Variants in DENND4C observed in about 807,000 individuals in gnomAD.
DENND4C encodes DENN domain-containing protein 4C.
Under a neutral mutation model 203.0 loss-of-function variants are expected in DENND4C, and 108 were observed. The ratio of observed to expected loss-of-function variants is 0.53; its 90% CI spans 0.46 to 0.62. DENND4C has a LOEUF of 0.62. Among genes scored for constraint, DENND4C ranks in the 20% least tolerant of loss-of-function variants. The pLI is 0.00. For missense variants in DENND4C, 2,481 were observed against 2,301.2 expected (o/e 1.08, Z -1.60); for synonymous variants, 871 against 792.4 (o/e 1.10, Z -1.67).
chr9:19,250,661 G>C (rs779291101), intron 1 of DENND4C, among the ~76,000 whole-genome samples: 6 of 152,182 alleles, frequency 3.9e-5, no homozygotes, highest in Admixed American at 6.5e-5. Context: ...ATTCAATGGG[G>C]GCACAGGCAT....
At chr9:19,323,911 C>T (rs1843299847) in intron 12 of DENND4C, among the ~76,000 whole-genome samples, 1 of 152,052 alleles carries the variant, frequency 6.6e-6, no homozygotes, top group African/African-American at 2.4e-5. Context: ...TCTAAAAATC[C>T]AAAACCTGAG....
chr9:19,280,425 A>C (rs906025813), intron 2 of DENND4C, among the ~76,000 whole-genome samples: 1 of 152,196 alleles, frequency 6.6e-6, no homozygotes, highest in Non-Finnish European at 1.5e-5. Context: ...GGTTACAGGC[A>C]TGAGCCCCTG....
chr9:19,251,461 C>T (rs555257002), intron 1 of DENND4C, among the ~76,000 whole-genome samples: 1 of 152,314 alleles, frequency 6.6e-6, no homozygotes, highest in South Asian at 2.1e-4. Flanking sequence ...GACATTTTCC[C>T]CCTCTGTCTT....
chr9:19,356,186 A>G (rs1005832624), intron 26 of DENND4C, among the ~76,000 whole-genome samples: 7 of 152,056 alleles, frequency 4.6e-5, no homozygotes, highest in African/African-American at 1.2e-4. Context: ...CCACCAATCT[A>G]TCTTAAATTT....
rs370091829 is a variant in DENND4C, at chr9:19,327,988, G to C, written c.2121-42G>C. 1.6e-3 allele frequency: 2,421 copies of C among 1,539,888 alleles called. 2 individuals carry two copies. The highest frequency in any genetic ancestry group is 1.8e-3 in the Non-Finnish European group (2,094 of 1,141,228). On this transcript the variant is annotated intron_variant, in intron 15 of 32. Coordinates refer to ENST00000434457, the MANE Select transcript of DENND4C (RefSeq NM_001330640.2). ...AACGCTGGAATAATATGAAGAGTTG[G>C]TGTGTTTTAAATCAGCAGTTCTATT...
chr9:19,306,745 GTATTTATTTATT>G lies in DENND4C; in HGVS notation c.1487+1256_1487+1267del, dbSNP rs59616787. 3.1e-3 allele frequency among the ~76,000 whole-genome samples: 435 copies of G among 142,318 alleles called. 2 individuals carry two copies. Among genetic ancestry groups the G allele is most frequent in the Middle Eastern group, 0.011 (3 of 284 alleles). The allele number at this position is 142,318 out of a possible 152,430, so 93.4% of individuals were successfully genotyped here. A position where few individuals can be genotyped will look rare whatever the true frequency, so the allele number is the denominator to read the frequency against. On this transcript the variant is annotated intron_variant, in intron 10 of 32. Coordinates refer to ENST00000434457, the MANE Select transcript of DENND4C (RefSeq NM_001330640.2). ...ATAAATGTGAAGTGTTTGCACAATT[GTATTTATTTATT>G]TATTTATTTATTTATTTATTTATTT...
At chr9:19,337,651 C>T (rs1225031162) in intron 20 of DENND4C, 2 of 1,288,130 alleles carry the variant, frequency 1.6e-6, no homozygotes, top group Non-Finnish European at 2.0e-6. Context: ...TTAATTCTAC[C>T]CTTGAATGTT....
At chr9:19,315,303 CTGTT>C (rs1370624537) in intron 10 of DENND4C, among the ~76,000 whole-genome samples, 1 of 152,000 alleles carries the variant, frequency 6.6e-6, no homozygotes, top group African/African-American at 2.4e-5. Flanking sequence ...CCAAGGCTGT[CTGTT>C]AATCTTCAGG....
chr9:19,285,548 A>C (rs1000065884), intron 2 of DENND4C, among the ~76,000 whole-genome samples: 3 of 147,552 alleles, frequency 2.0e-5, no homozygotes, highest in Middle Eastern at 3.3e-3. Context: ...TTTCTTAAAA[A>C]CTGAATCACT....
At chr9:19,268,722 A>G (rs1400369233) in intron 1 of DENND4C, among the ~76,000 whole-genome samples, 1 of 150,776 alleles carries the variant, frequency 6.6e-6, no homozygotes, top group Non-Finnish European at 1.5e-5. Flanking sequence ...ACAGGATAAA[A>G]GTTTTGTTTT....
chr9:19,372,401 G>T lies in DENND4C; in HGVS notation c.*228G>T. On this transcript the variant is annotated 3_prime_UTR_variant, in exon 33 of 33. Transcript: ENST00000434457. ...ATTGAAGATTTTCAACCCCTGAACT[G>T]CTTTTCTGCCTCTGTGGAAAACTAC... 1 of 416,240 alleles carries T rather than the reference G, an allele frequency of 2.4e-6. No individual in the cohort carries two copies. The highest frequency in any genetic ancestry group is 4.1e-6 in the Non-Finnish European group (1 of 245,406). 25.8% of individuals were successfully genotyped at this position (416,240 alleles called of 1,614,324 possible). A position where few individuals can be genotyped will look rare whatever the true frequency, so the allele number is the denominator to read the frequency against.
At position 19,324,408 on chromosome 9, in the gene DENND4C, T is replaced by G; in HGVS notation, c.1854T>G (p.Leu618=). The change falls in exon 13 of 33, where the codon CTT becomes CTG. Residue 618 remains leucine, a synonymous_variant. Coordinates refer to ENST00000434457, the MANE Select transcript of DENND4C (RefSeq NM_001330640.2). ...GTGCCTATGCAAAATTCTATACCCT[T>G]TTATCCAAAACACAGATTTTTATTC... is the stretch of plus-strand genomic sequence containing the variant. The part of the protein sequence containing the change: ...RDRAYAKFYT[L]LSKTQIFIRF... 1 of 1,612,752 alleles carries G rather than the reference T, an allele frequency of 6.2e-7. No individual in the cohort carries two copies. Among genetic ancestry groups the G allele is most frequent in the Non-Finnish European group, 8.5e-7 (1 of 1,179,570 alleles).
Position 19,368,257 on chromosome 9 carries a change from A to AT in DENND4C, c.5525-1561dup, listed in dbSNP as rs145197314. The stretch of plus-strand genomic sequence containing the variant: ...TGTTATCATAACAGAGGACTTTGCT[A>AT]TTTTTTTTTTTTTTTTTTTCGGTTT... On this transcript the variant is annotated intron_variant, in intron 30 of 32. Transcript: ENST00000434457. Among the ~76,000 whole-genome samples, 372 of 110,744 alleles carry AT rather than the reference A, an allele frequency of 3.4e-3. 2 individuals carry two copies. Among genetic ancestry groups the AT allele is most frequent in the Middle Eastern group, 4.5e-3 (1 of 224 alleles). 72.7% of individuals were successfully genotyped at this position (110,744 alleles called of 152,430 possible).
At position 19,296,132 on chromosome 9, in the gene DENND4C, C is replaced by T. The variant is rs747621061; in HGVS notation, c.926C>T (p.Thr309Ile). The change falls in exon 6 of 33, where the codon ACA becomes ATA. Residue 309 changes from threonine to isoleucine, a missense_variant. Thr to Ile is a moderately conservative substitution (Grantham distance 89, BLOSUM62 -1). Transcript: ENST00000434457. Reference sequence around the variant, plus strand: ...AAAATGGTCTCCAAATCCATCAATACAAACAAATGCATTTGTTTACTCTCA... The same window carrying T: ...AAAATGGTCTCCAAATCCATCAATATAAACAAATGCATTTGTTTACTCTCA... ...ERKMVSKSIN[T>I]NKCICLLSHW... 43 of 1,613,756 alleles carry T rather than the reference C, an allele frequency of 2.7e-5. No individual in the cohort carries two copies. Among genetic ancestry groups the T allele is most frequent in the Non-Finnish European group, 3.5e-5 (41 of 1,179,754 alleles).
At chr9:19,309,937 T>G (rs1238028735) in intron 10 of DENND4C, among the ~76,000 whole-genome samples, 1 of 152,184 alleles carries the variant, frequency 6.6e-6, no homozygotes. Flanking sequence ...GAATGTGATA[T>G]TTCACTTCAT....
At chr9:19,319,434 A>C (rs941929790) in intron 12 of DENND4C, among the ~76,000 whole-genome samples, 1 of 145,990 alleles carries the variant, frequency 6.8e-6, no homozygotes, top group Non-Finnish European at 1.5e-5. Context: ...ATATATATAC[A>C]CACATATATA....
At chr9:19,356,854 G>A in intron 26 of DENND4C, 118 bp from the exon 27 acceptor site, 1 of 968,988 alleles carries the variant, frequency 1.0e-6, no homozygotes, top group Non-Finnish European at 1.5e-6. Context: ...TTTTCCTTCT[G>A]GATTATATAT....
chr9:19,351,932 G>T, intron 24 of DENND4C, 141 bp from the exon 25 acceptor site: 1 of 597,794 alleles, frequency 1.7e-6, no homozygotes, highest in Non-Finnish European at 3.0e-6. Flanking sequence ...CTCTTTCTAT[G>T]TATGCATACA....
chr9:19,264,584 G>A (rs1042655975), intron 1 of DENND4C, among the ~76,000 whole-genome samples: 1 of 152,170 alleles, frequency 6.6e-6, no homozygotes, highest in Non-Finnish European at 1.5e-5. Flanking sequence ...TGGGATTACA[G>A]GCGTTAGCCA....
Sources: allele counts gnomAD v4.1 joint callset (sites outside exome capture counted in the v4.1 genomes callset), GRCh38; gene constraint gnomAD v4.1.1; transcripts MANE v1.5; gene names NCBI Gene and HGNC (gene_info 2026-07-23, HGNC 2026-07-21).